Variants in ENTPD1 observed in about 807,000 individuals in gnomAD.
ENTPD1 encodes ectonucleoside triphosphate diphosphohydrolase 1.
ENTPD1 carries 33 observed loss-of-function variants against 57.0 expected under a neutral mutation model. The ratio of observed to expected loss-of-function variants is 0.58; its 90% CI spans 0.44 to 0.77. The LOEUF is 0.77. Ranked by LOEUF, ENTPD1 falls within the 30% of genes least tolerant of loss-of-function variation. The pLI is 0.00. For synonymous variants in ENTPD1, 202 were observed against 218.8 expected (o/e 0.92, Z 0.68); for missense variants, 501 against 603.4 (o/e 0.83, Z 1.78).
chr10:95,839,710 C>T lies in ENTPD1; in HGVS notation c.164C>T (p.Ala55Val), dbSNP rs753875354. 9.9e-6 allele frequency: 16 copies of T among 1,613,924 alleles called. No individual in the cohort carries two copies. The Middle Eastern group carries it at 1.2e-3, about 116-fold the overall frequency. ...ENVKYGIVLD[A>V]GSSHTSLYIY... ...TTTCAGTATGGGATTGTGCTGGATGCGGGTTCTTCTCACACAAGTTTATAC... is the reference window on the plus strand; with the variant it reads ...TTTCAGTATGGGATTGTGCTGGATGTGGGTTCTTCTCACACAAGTTTATAC... Residue 55 changes from alanine (A) to valine (V), a missense_variant, in exon 3 of 10, where the codon GCG becomes GTG. Coordinates refer to ENST00000371205, the MANE Select transcript of ENTPD1 (RefSeq NM_001776.6).
rs2098477508 is a variant in ENTPD1 at position 95,869,118 on chromosome 10, A to G, written c.*2735A>G. The G allele has an allele frequency of 1.0e-6, 1 of 985,192 alleles. No homozygotes were observed. The highest frequency in any genetic ancestry group is 1.2e-6 in the Non-Finnish European group (1 of 829,926). 61.0% of individuals were successfully genotyped at this position (985,192 alleles called of 1,614,324 possible). ...ATTCTCCCCTGGATTTTCACCCAGGACTCAAAACTTGGTTCTGCTAACCCT... is the reference window on the plus strand; with the variant it reads ...ATTCTCCCCTGGATTTTCACCCAGGGCTCAAAACTTGGTTCTGCTAACCCT... On this transcript the variant is annotated 3_prime_UTR_variant, in exon 10 of 10. Coordinates refer to ENST00000371205, the MANE Select transcript of ENTPD1 (RefSeq NM_001776.6).
Position 95,867,408 on chromosome 10 carries a change from A to G in ENTPD1, c.*1025A>G. 6.1e-6 allele frequency: 6 copies of G among 985,460 alleles called. No individual in the cohort carries two copies. The highest frequency in any genetic ancestry group is 7.2e-6 in the Non-Finnish European group (6 of 829,928). 61.0% of individuals were successfully genotyped at this position (985,460 alleles called of 1,614,324 possible). A position where few individuals can be genotyped will look rare whatever the true frequency, so the allele number is the denominator to read the frequency against. On this transcript the variant is annotated 3_prime_UTR_variant, in exon 10 of 10. Transcript: ENST00000371205. ...GAAACCATAGATCTTTTGTGTTTAC[A>G]GCTATGGAAACCAACTGTACCATAA...
intron 1 of ENTPD1, among the ~76,000 whole-genome samples, chr10:95,715,274 T>G (rs927189424): frequency 6.6e-6 from 1 of 152,234 alleles, no homozygotes. Flanking sequence ...TGTGTATAAT[T>G]GTTATATTTT....
intron 2 of ENTPD1, chr10:95,839,371 A>T: frequency 2.7e-6 from 1 of 373,204 alleles, no homozygotes; most frequent in African/African-American, 2.1e-5. Context: ...ATAGTGTCTC[A>T]GCTACTTCAG....
At chr10:95,793,134 C>T (rs1424684991) in intron 1 of ENTPD1, among the ~76,000 whole-genome samples, 1 of 152,152 alleles carries the variant, frequency 6.6e-6, no homozygotes, top group Non-Finnish European at 1.5e-5. Flanking sequence ...TATTTCAGTT[C>T]CCCTCCCACC....
At chr10:95,722,050 T>G (rs537982232) in intron 1 of ENTPD1, among the ~76,000 whole-genome samples, 55 of 152,290 alleles carry the variant, frequency 3.6e-4, no homozygotes, top group South Asian at 2.5e-3. Context: ...TATGCAAATT[T>G]GTGTCAGAGA....
intron 2 of ENTPD1, chr10:95,839,151 G>T (rs1026809626): frequency 1.3e-5 from 2 of 154,692 alleles, no homozygotes; most frequent in East Asian, 3.8e-4. Flanking sequence ...GAGTAACTCA[G>T]TGGTTCCCAA....
chr10:95,845,684 T>G (rs1400730940), intron 6 of ENTPD1, 88 bp downstream of exon 6: 3 of 1,610,692 alleles, frequency 1.9e-6, no homozygotes, highest in Non-Finnish European at 2.5e-6. Context: ...AATTCAGTAG[T>G]TTGTCTGAAC....
At chr10:95,825,616 C>T (rs559031443) in intron 2 of ENTPD1, among the ~76,000 whole-genome samples, 5 of 152,260 alleles carry the variant, frequency 3.3e-5, no homozygotes, top group Non-Finnish European at 7.4e-5. Context: ...CTCGCTCTGT[C>T]GCCCAGGCTG....
chr10:95,720,758 C>T (rs998947823), intron 1 of ENTPD1, among the ~76,000 whole-genome samples: 1 of 152,140 alleles, frequency 6.6e-6, no homozygotes, highest in African/African-American at 2.4e-5. Flanking sequence ...GGGGCATGGA[C>T]GAGGGGGCAG....
chr10:95,742,035 G>T (rs1188028250), intron 1 of ENTPD1, among the ~76,000 whole-genome samples: 1 of 152,082 alleles, frequency 6.6e-6, no homozygotes, highest in Non-Finnish European at 1.5e-5. Flanking sequence ...GACTGTTCTG[G>T]TATTGTGGGA....
chr10:95,832,759 C>T (rs1296598064), intron 2 of ENTPD1, among the ~76,000 whole-genome samples: 2 of 152,178 alleles, frequency 1.3e-5, no homozygotes, highest in East Asian at 3.8e-4. Flanking sequence ...AAGAAATTCT[C>T]TCTATGCCTC....
intron 1 of ENTPD1, among the ~76,000 whole-genome samples, chr10:95,768,441 G>A (rs1401170085): frequency 6.6e-6 from 1 of 151,762 alleles, no homozygotes; most frequent in Non-Finnish European, 1.5e-5. Flanking sequence ...CTGCCTGCCT[G>A]CCTCCTTCCC....
intron 2 of ENTPD1, among the ~76,000 whole-genome samples, chr10:95,836,613 T>C (rs1396365156): frequency 6.6e-6 from 1 of 152,226 alleles, no homozygotes; most frequent in Admixed American, 6.5e-5. Context: ...AATATTTAAA[T>C]ATAAGCTACA....
chr10:95,821,246 GTAGTTAAAA>G, intron 1 of ENTPD1, among the ~76,000 whole-genome samples: 1 of 152,186 alleles, frequency 6.6e-6, no homozygotes, highest in Non-Finnish European at 1.5e-5. Context: ...TTAGCTTCAA[GTAGTTAAAA>G]TCCTGACTCT....
rs1555301559 is a variant in ENTPD1, at chr10:95,839,723, C to G, written c.177C>G (p.His59Gln). The G allele has an allele frequency of 1.2e-6, 2 of 1,614,048 alleles. No homozygotes were observed. The highest frequency in any genetic ancestry group is 1.7e-6 in the Non-Finnish European group (2 of 1,180,020). ...YGIVLDAGSSHTSLYIYKWPA... is the reference protein window; with the variant it reads ...YGIVLDAGSSQTSLYIYKWPA... ...TTGTGCTGGATGCGGGTTCTTCTCA[C>G]ACAAGTTTATACATCTATAAGTGGC... The change falls in exon 3 of 10, where the codon CAC becomes CAG. Residue 59 changes from histidine to glutamine, a missense_variant. Physicochemically the swap from His to Gln is conservative, Grantham distance 24 (BLOSUM62 0). Coordinates refer to ENST00000371205, the MANE Select transcript of ENTPD1 (RefSeq NM_001776.6).
chr10:95,695,231 A>G, the ENTPD1 span, among the ~76,000 whole-genome samples: 5 of 152,150 alleles, frequency 3.3e-5, no homozygotes, highest in African/African-American at 1.2e-4. Context: ...AATTGTAATT[A>G]ATTCAAAGTT....
intron 7 of ENTPD1, among the ~76,000 whole-genome samples, chr10:95,856,298 C>A (rs1213318318): frequency 8.5e-5 from 13 of 152,104 alleles, no homozygotes; most frequent in Non-Finnish European, 1.6e-4. Context: ...GAGACACTAC[C>A]TTACTCTCCT....
Position 95,847,509 on chromosome 10 carries a change from G to C in ENTPD1, c.877G>C (p.Val293Leu). The change falls in exon 7 of 10, where the codon GTA becomes CTA. Residue 293 changes from valine (V) to leucine (L), a missense_variant. Physicochemically the swap from Val to Leu is conservative, Grantham distance 32 (BLOSUM62 1). Transcript: ENST00000371205. ...FHPGYKKVVN[V>L]SDLYKTPCTK... is the part of the protein sequence containing the mutation. Reference sequence around the variant, plus strand: ...TCCTGGATATAAGAAGGTAGTGAACGTAAGTGACCTTTACAAGACCCCCTG... The same window carrying C: ...TCCTGGATATAAGAAGGTAGTGAACCTAAGTGACCTTTACAAGACCCCCTG... 3 of 1,614,134 alleles carry C rather than the reference G, an allele frequency of 1.9e-6. No individual in the cohort carries two copies. Among genetic ancestry groups the C allele is most frequent in the Middle Eastern group, 1.6e-4 (1 of 6,062 alleles).
Sources: allele counts gnomAD v4.1 joint callset (sites outside exome capture counted in the v4.1 genomes callset), GRCh38; gene constraint gnomAD v4.1.1; transcripts MANE v1.5; gene names NCBI Gene and HGNC (gene_info 2026-07-23, HGNC 2026-07-21).